SMC5: variants seen among roughly 807,000 people sequenced by gnomAD.
SMC5 encodes the protein structural maintenance of chromosomes 5, also known as structural maintenance of chromosomes protein 5.
SMC5 carries 88 observed loss-of-function variants against 148.3 expected under a neutral mutation model. The ratio of observed to expected loss-of-function variants is 0.59; its 90% CI spans 0.50 to 0.71. The LOEUF (loss-of-function observed/expected upper bound fraction) is 0.71, where lower values mean the gene tolerates loss of function less well. SMC5 is among the 30% of genes least tolerant of loss of function. SMC5 has a pLI of 0.00. For synonymous variants in SMC5, 421 were observed against 432.8 expected (o/e 0.97, Z 0.34); for missense variants, 1,142 against 1,298.9 (o/e 0.88, Z 1.86).
At chr9:70,317,952 A>ATTCTTCTCTCCTGGTAT (rs1554696944) in intron 13 of SMC5, among the ~76,000 whole-genome samples, 2 of 126,692 alleles carry the variant, frequency 1.6e-5, no homozygotes, top group African/African-American at 7.3e-5. Flanking sequence ...TGTGCTGAGC[A>ATTCTTCTCTCCTGGTAT]CTCTTCTCTC....
At chr9:70,347,231 A>G in intron 20 of SMC5, 70 bp downstream of exon 20, 1 of 1,263,278 alleles carries the variant, frequency 7.9e-7, no homozygotes, top group Non-Finnish European at 1.1e-6. Flanking sequence ...ACACACATAC[A>G]CACACAGAGT....
intron 7 of SMC5, among the ~76,000 whole-genome samples, chr9:70,284,426 A>G (rs1472897472): frequency 6.6e-6 from 1 of 152,200 alleles, no homozygotes; most frequent in East Asian, 1.9e-4. Flanking sequence ...AGGATATGAA[A>G]CTAATAATTG....
intron 17 of SMC5, among the ~76,000 whole-genome samples, chr9:70,326,089 T>C (rs1308643065): frequency 6.6e-6 from 1 of 152,102 alleles, no homozygotes; most frequent in Non-Finnish European, 1.5e-5. Flanking sequence ...AGGTCAAACA[T>C]CAGTCATATT....
At chr9:70,285,313 C>T (rs191699929) in intron 7 of SMC5, among the ~76,000 whole-genome samples, 57 of 152,208 alleles carry the variant, frequency 3.7e-4, no homozygotes, top group Non-Finnish European at 1.5e-5. Context: ...AGGGTCCTCC[C>T]CCAGAGAAAT....
chr9:70,300,361 CT>C (rs2035326808), intron 10 of SMC5, among the ~76,000 whole-genome samples, 161 bp downstream of exon 10: 2 of 151,996 alleles, frequency 1.3e-5, no homozygotes, highest in Admixed American at 6.6e-5. Context: ...TAAAGGTCCC[CT>C]GATCAATGAG....
In SMC5 at chr9:70,299,568, G is replaced by A. The variant is rs1587661408; in HGVS notation, c.1310-478G>A. Among the ~76,000 whole-genome samples the A allele has an allele frequency of 2.0e-5, 3 of 151,890 alleles. No individual in the cohort carries two copies. In the South Asian group the frequency reaches 6.2e-4, roughly 32 times the overall value. On this transcript the variant is annotated intron_variant, in intron 9 of 24. Transcript: ENST00000361138. ...CTTACATCACGCCCTTATTTTGTTG[G>A]AGTACATTTTCAGGTAAACTTCTAA...
intron 17 of SMC5, among the ~76,000 whole-genome samples, chr9:70,342,131 T>C (rs1437773408): frequency 6.6e-6 from 1 of 151,210 alleles, no homozygotes; most frequent in Non-Finnish European, 1.5e-5. Flanking sequence ...CAGTAATCTA[T>C]CACAAGGACA....
chr9:70,274,380 C>T (rs1005090351), intron 3 of SMC5, among the ~76,000 whole-genome samples: 6 of 152,218 alleles, frequency 3.9e-5, no homozygotes, highest in African/African-American at 9.6e-5. Flanking sequence ...TGCGCCCGGC[C>T]GTGAATTCAA....
At position 70,313,470 on chromosome 9, in the gene SMC5, G is replaced by A. The variant is rs187946849; in HGVS notation, c.1579-1272G>A. On this transcript the variant is annotated intron_variant, in intron 11 of 24. Coordinates refer to ENST00000361138, the MANE Select transcript of SMC5 (RefSeq NM_015110.4). The stretch of plus-strand genomic sequence containing the variant: ...GACTATGGTGGCATTTTATTCTTAT[G>A]CTTAGTAGTTGTTTTTTTTGTTTTG... 3.8e-3 allele frequency among the ~76,000 whole-genome samples: 572 copies of A among 151,962 alleles called. 3 individuals are homozygous for A. The highest frequency in any genetic ancestry group is 5.8e-3 in the Non-Finnish European group (397 of 67,932).
chr9:70,280,925 G>A (rs1404629932), intron 6 of SMC5, 26 bp downstream of exon 6: 3 of 1,612,038 alleles, frequency 1.9e-6, no homozygotes, highest in East Asian at 2.2e-5. Flanking sequence ...TAGAGGCAAA[G>A]TACGTGTTTC....
rs751493926 is a variant in SMC5 at position 70,314,731 on chromosome 9, C to T, written c.1579-11C>T. On this transcript the variant is annotated splice_polypyrimidine_tract_variant and intron_variant, in intron 11 of 24. Coordinates refer to ENST00000361138, the MANE Select transcript of SMC5 (RefSeq NM_015110.4). The stretch of plus-strand genomic sequence containing the variant: ...GTAATTAAAATAATATTTTCTTTTC[C>T]CTATATTCAGGTTCGTGACAATAAA... The T allele has an allele frequency of 4.3e-6, 6 of 1,395,476 alleles. No homozygotes were observed. In the African/African-American group the frequency reaches 7.3e-5, roughly 17 times the overall value. The allele number at this position is 1,395,476 out of a possible 1,614,324, so 86.4% of individuals were successfully genotyped here.
chr9:70,285,153 A>G (rs553961700), intron 7 of SMC5, among the ~76,000 whole-genome samples: 1 of 152,258 alleles, frequency 6.6e-6, no homozygotes, highest in Admixed American at 6.5e-5. Flanking sequence ...AGAAGAAACT[A>G]TTGTCTCTTG....
At chr9:70,287,813 T>C (rs1464100532) in intron 8 of SMC5, among the ~76,000 whole-genome samples, 1 of 152,180 alleles carries the variant, frequency 6.6e-6, no homozygotes, top group Non-Finnish European at 1.5e-5. Context: ...TGGCATTTCC[T>C]AGTCCTAAGA....
intron 13 of SMC5, among the ~76,000 whole-genome samples, chr9:70,315,936 T>C (rs1440101580): frequency 6.6e-6 from 1 of 152,120 alleles, no homozygotes; most frequent in Admixed American, 6.5e-5. Context: ...AATTATTATA[T>C]TTGAGATTAT....
intron 18 of SMC5, among the ~76,000 whole-genome samples, chr9:70,345,535 A>G (rs1408755033): frequency 6.6e-6 from 1 of 152,108 alleles, no homozygotes; most frequent in Non-Finnish European, 1.5e-5. Flanking sequence ...TCAAGTGAAG[A>G]TGTCAGGCAA....
chr9:70,320,812 A>G (rs1415680098), intron 15 of SMC5, among the ~76,000 whole-genome samples: 1 of 152,192 alleles, frequency 6.6e-6, no homozygotes, highest in South Asian at 2.1e-4. Flanking sequence ...TTCATCAAGG[A>G]TATTCTTAAG....
intron 3 of SMC5, among the ~76,000 whole-genome samples, chr9:70,269,630 C>A (rs1366233761): frequency 5.9e-5 from 9 of 152,064 alleles, no homozygotes; most frequent in Admixed American, 5.9e-4. Flanking sequence ...TTAATACATA[C>A]ATTTGATACA....
rs191469852 is a variant in SMC5 at position 70,273,212 on chromosome 9, G to A, written c.381-4098G>A. On this transcript the variant is annotated intron_variant, in intron 3 of 24. Transcript: ENST00000361138. ...GGCTTTTTTTTTTTCTAACTATACT[G>A]ATTTAATTTTTTTCTAACTACTGAT... Among the ~76,000 whole-genome samples the A allele has an allele frequency of 6.9e-3, 1,025 of 148,984 alleles. 12 individuals are homozygous for A. The highest frequency in any genetic ancestry group is 0.024 in the African/African-American group (960 of 40,642).
At chr9:70,319,641 T>A (rs1177655493) in intron 15 of SMC5, among the ~76,000 whole-genome samples, 1 of 152,222 alleles carries the variant, frequency 6.6e-6, no homozygotes, top group Non-Finnish European at 1.5e-5. Context: ...AAGTGTAGTT[T>A]ATTAAAGTTT....
Sources: gnomAD v4.1 joint callset for allele counts (sites outside exome capture counted in the v4.1 genomes callset) on GRCh38, gnomAD v4.1.1 for gene constraint, MANE v1.5 for transcripts, NCBI Gene and HGNC (gene_info 2026-07-23, HGNC 2026-07-21) for gene names.